MRPL18: variants seen among roughly 807,000 people sequenced by gnomAD.
MRPL18 encodes mitochondrial ribosomal protein L18.
In MRPL18, 16 loss-of-function variants were observed where a neutral mutation model predicts 20.9. That is an observed-to-expected ratio of 0.76 (90% CI 0.52 to 1.16). MRPL18 has a LOEUF of 1.16. Ranked by LOEUF, MRPL18 falls within the 50% of genes most tolerant of loss-of-function variation. The pLI, the probability that MRPL18 is intolerant of heterozygous loss-of-function variation, is 0.00. For synonymous variants in MRPL18, 91 were observed against 87.1 expected (o/e 1.04, Z -0.25); for missense variants, 233 against 230.6 (o/e 1.01, Z -0.07).
chr6:159,796,090 A>G (rs547601263), intron 2 of MRPL18, among the ~76,000 whole-genome samples: 2 of 117,058 alleles, frequency 1.7e-5, no homozygotes, highest in Non-Finnish European at 1.8e-5. Context: ...AGCCTAAAAT[A>G]TTTTTTGTTT....
intron 3 of MRPL18, 37 bp downstream of exon 3, chr6:159,797,555 G>A: frequency 1.3e-6 from 2 of 1,583,098 alleles, no homozygotes; most frequent in South Asian, 1.1e-5. Flanking sequence ...AAAAGGTATT[G>A]TGTTAATTCT....
upstream of MRPL18, chr6:159,789,837 T>G (rs1333201345): frequency 3.1e-6 from 1 of 322,266 alleles, no homozygotes; most frequent in Admixed American, 4.0e-5. Flanking sequence ...AACCTTCGCC[T>G]CAAACGATGT....
intron 2 of MRPL18, among the ~76,000 whole-genome samples, chr6:159,797,007 C>G (rs1263907173): frequency 8.6e-6 from 1 of 116,040 alleles, no homozygotes; most frequent in African/African-American, 2.7e-5. Context: ...AGCTCTGTCT[C>G]TTCAAATCTC....
At chr6:159,793,435 G>A (rs1293925802) in intron 2 of MRPL18, among the ~76,000 whole-genome samples, 6 of 151,762 alleles carry the variant, frequency 4.0e-5, no homozygotes, top group Non-Finnish European at 7.4e-5. Context: ...ATCAAATTTC[G>A]TTGCCCAGGT....
chr6:159,797,577 A>AACT, intron 3 of MRPL18, 59 bp downstream of exon 3: 2 of 1,479,036 alleles, frequency 1.4e-6, no homozygotes, highest in Admixed American at 3.4e-5. Context: ...GGCATTAGAT[A>AACT]ACTTACATAA....
chr6:159,794,105 A>C (rs995274117), intron 2 of MRPL18, among the ~76,000 whole-genome samples: 1 of 152,254 alleles, frequency 6.6e-6, no homozygotes, highest in Admixed American at 6.5e-5. Flanking sequence ...TATAAAATCC[A>C]AAGGGAGTAC....
chr6:159,790,762 G>A (rs1357623000), intron 1 of MRPL18, 123 bp downstream of exon 1: 4 of 1,430,126 alleles, frequency 2.8e-6, no homozygotes, highest in Non-Finnish European at 3.8e-6. Context: ...GCACTGCGAA[G>A]ACCACAGTAG....
chr6:159,794,002 T>C (rs1254003890), intron 2 of MRPL18, among the ~76,000 whole-genome samples: 1 of 152,236 alleles, frequency 6.6e-6, no homozygotes, highest in Non-Finnish European at 1.5e-5. Context: ...GCCTCTTCTA[T>C]TTCACATTGA....
intron 2 of MRPL18, among the ~76,000 whole-genome samples, chr6:159,793,471 T>C (rs1780955908): frequency 6.6e-6 from 1 of 152,188 alleles, no homozygotes; most frequent in African/African-American, 2.4e-5. Flanking sequence ...GTACCTACTC[T>C]CATTTGTTTA....
chr6:159,790,689 A>G, intron 1 of MRPL18, 50 bp downstream of exon 1: 2 of 1,602,402 alleles, frequency 1.2e-6, no homozygotes, highest in South Asian at 1.1e-5. Context: ...GGGCTTGCAC[A>G]GTACATTGGA....
chr6:159,791,208 G>C (rs766468354), intron 2 of MRPL18, 82 bp downstream of exon 2: 24 of 1,521,210 alleles, frequency 1.6e-5, no homozygotes, highest in Non-Finnish European at 2.0e-5. Context: ...CACTCTCCCA[G>C]GTAGCTGCCA....
rs770589511 is a variant in MRPL18, at chr6:159,797,404, C to A, written c.357C>A (p.Thr119=). Residue 119 remains threonine, a synonymous_variant, in exon 3 of 4, where the codon ACC becomes ACA. Transcript: ENST00000367034. ...EWAIKKHLYS[T]RNVVACESIG... is the part of the protein sequence containing the mutation. ...CTATTAAAAAGCACCTTTATAGTAC[C>A]AGAAATGTGGTGGCTTGTGAGAGTA... 2 of 1,614,078 alleles carry A rather than the reference C, an allele frequency of 1.2e-6. No individual in the cohort carries two copies. Among genetic ancestry groups the A allele is most frequent in the Non-Finnish European group, 8.5e-7 (1 of 1,180,026 alleles).
Position 159,797,369 on chromosome 6 carries a change from C to T in MRPL18, c.322C>T (p.Arg108Cys), listed in dbSNP as rs780536042. 4.3e-6 allele frequency: 7 copies of T among 1,614,128 alleles called. No individual in the cohort carries two copies. The highest frequency in any genetic ancestry group is 3.3e-5 in the South Asian group (3 of 91,084). ...CAAGGTTGTGGTTTCGGCCTCCACT[C>T]GTGAGTGGGCTATTAAAAAGCACCT... is the stretch of plus-strand genomic sequence containing the variant. ...NGKVVVSAST[R>C]EWAIKKHLYS... Residue 108 changes from arginine (R) to cysteine (C), a missense_variant, in exon 3 of 4, where the codon CGT becomes TGT. Transcript: ENST00000367034.
At chr6:159,796,520 G>A (rs991640626) in intron 2 of MRPL18, among the ~76,000 whole-genome samples, 6 of 151,926 alleles carry the variant, frequency 3.9e-5, no homozygotes, top group Non-Finnish European at 8.8e-5. Flanking sequence ...GGACACAGTG[G>A]CTCATGCCTG....
At chr6:159,796,684 T>A (rs1341922870) in intron 2 of MRPL18, among the ~76,000 whole-genome samples, 1 of 152,094 alleles carries the variant, frequency 6.6e-6, no homozygotes, top group East Asian at 1.9e-4. Context: ...CTTGGGAGAC[T>A]AAGGCAGGAG....
chr6:159,795,255 TA>T (rs1473891096), intron 2 of MRPL18, among the ~76,000 whole-genome samples: 1 of 152,166 alleles, frequency 6.6e-6, no homozygotes, highest in Admixed American at 6.5e-5. Context: ...CCTCTTATAC[TA>T]ATCCTCCTCA....
At chr6:159,795,896 A>C (rs56060115) in intron 2 of MRPL18, among the ~76,000 whole-genome samples, 2,745 of 152,052 alleles carry the variant, frequency 0.018, 35 homozygotes, top group Non-Finnish European at 0.031. Context: ...CAATCTTCCC[A>C]CCTCAGCCTC....
At chr6:159,789,859 A>T (rs1780815494), upstream of MRPL18, 1 of 291,938 alleles carries the variant, frequency 3.4e-6, no homozygotes, top group Non-Finnish European at 6.8e-6. Context: ...GCGCAGACGC[A>T]GTGGGCCATT....
chr6:159,794,379 T>C, intron 2 of MRPL18, among the ~76,000 whole-genome samples: 1 of 152,184 alleles, frequency 6.6e-6, no homozygotes, highest in East Asian at 1.9e-4. Flanking sequence ...CTTTCTGTGT[T>C]AGTTTCTGCA....
Sources: gnomAD v4.1 joint callset for allele counts (sites outside exome capture counted in the v4.1 genomes callset) on GRCh38, gnomAD v4.1.1 for gene constraint, MANE v1.5 for transcripts, NCBI Gene and HGNC (gene_info 2026-07-23, HGNC 2026-07-21) for gene names.